EMCN: variants seen among roughly 807,000 people sequenced by gnomAD.
EMCN encodes the protein endomucin.
Under a neutral mutation model 38.4 loss-of-function variants are expected in EMCN, and 37 were observed. That is an observed-to-expected ratio of 0.96 (90% CI 0.74 to 1.27). The LOEUF is 1.27. Ranked by LOEUF, EMCN falls within the 50% of genes most tolerant of loss-of-function variation. EMCN has a pLI of 0.00. For missense variants in EMCN, 318 were observed against 302.8 expected (o/e 1.05, Z -0.37); for synonymous variants, 95 against 100.8 (o/e 0.94, Z 0.35).
At chr4:100,516,082 ACTATTGTCT>A (rs1344608327) in intron 1 of EMCN, among the ~76,000 whole-genome samples, 2 of 152,214 alleles carry the variant, frequency 1.3e-5, no homozygotes, top group African/African-American at 4.8e-5. Context: ...TTATTATGTA[ACTATTGTCT>A]CTGCTCAAAT....
At chr4:100,517,483 T>C (rs1279521916) in intron 1 of EMCN, among the ~76,000 whole-genome samples, 1 of 152,108 alleles carries the variant, frequency 6.6e-6, no homozygotes, top group Non-Finnish European at 1.5e-5. Context: ...CACCCACACA[T>C]GCCAATCTTA....
chr4:100,434,097 G>T (rs1018609898), intron 5 of EMCN, among the ~76,000 whole-genome samples: 1 of 151,830 alleles, frequency 6.6e-6, no homozygotes, highest in African/African-American at 2.4e-5. Context: ...TTGGCTTTTT[G>T]AAAAAATTAA....
In EMCN at chr4:100,473,384, T is replaced by TG. The variant is rs1189835429; in HGVS notation, c.259+1653_259+1654insC. On this transcript the variant is annotated intron_variant, in intron 3 of 11. Transcript: ENST00000296420. ...TTTCGTGTTTTTTTGTTTTTTTTTTTTGTTTTTTTTTTTGCTAATGACATC... is the reference window on the plus strand; with the variant it reads ...TTTCGTGTTTTTTTGTTTTTTTTTTTGTGTTTTTTTTTTTGCTAATGACATC... Among the ~76,000 whole-genome samples the TG allele has an allele frequency of 3.4e-5, 4 of 118,940 alleles. 1 individual carries two copies. Among genetic ancestry groups the TG allele is most frequent in the African/African-American group, 1.2e-4 (4 of 32,002 alleles). The allele number at this position is 118,940 out of a possible 152,430, so 78.0% of individuals were successfully genotyped here. A position where few individuals can be genotyped will look rare whatever the true frequency, so the allele number is the denominator to read the frequency against.
intron 1 of EMCN, among the ~76,000 whole-genome samples, chr4:100,505,599 G>A (rs544607277): frequency 6.6e-6 from 1 of 152,228 alleles, no homozygotes; most frequent in African/African-American, 2.4e-5. Context: ...ACAGAGGAGA[G>A]AGGCTGAAAA....
chr4:100,447,885 A>ATAAC (rs1727722283), intron 4 of EMCN, among the ~76,000 whole-genome samples: 1 of 152,118 alleles, frequency 6.6e-6, no homozygotes, highest in Admixed American at 6.6e-5. Context: ...AAGAATGGGA[A>ATAAC]TAACTGTGTG....
intron 11 of EMCN, among the ~76,000 whole-genome samples, chr4:100,398,877 A>T (rs923944832): frequency 1.1e-4 from 16 of 152,238 alleles, no homozygotes; most frequent in African/African-American, 3.9e-4. Flanking sequence ...GCTCTTCTTG[A>T]ATGAGTCTTC....
chr4:100,481,586 C>T (rs1728807213), intron 1 of EMCN, among the ~76,000 whole-genome samples: 1 of 152,080 alleles, frequency 6.6e-6, no homozygotes, highest in Non-Finnish European at 1.5e-5. Context: ...CAATATTCAG[C>T]AGGGAGCAGG....
intron 1 of EMCN, among the ~76,000 whole-genome samples, chr4:100,497,103 A>T (rs1402567784): frequency 6.6e-6 from 1 of 152,016 alleles, no homozygotes; most frequent in African/African-American, 2.4e-5. Context: ...GTAGAAACTA[A>T]GGGCCATGTA....
intron 1 of EMCN, among the ~76,000 whole-genome samples, chr4:100,492,875 T>A (rs1729121392): frequency 6.6e-6 from 1 of 152,076 alleles, no homozygotes; most frequent in Admixed American, 6.6e-5. Flanking sequence ...CCAATTTGAG[T>A]CCAGGCCCCA....
chr4:100,423,301 A>G lies in EMCN; in HGVS notation c.508+11T>C. 6.3e-7 allele frequency: 1 copy of G among 1,598,012 alleles called. No individual in the cohort carries two copies. The highest frequency in any genetic ancestry group is 8.6e-7 in the Non-Finnish European group (1 of 1,165,766). ...AGAGCAGATTTCCACTCAGGCACAC[A>G]GATATCATACCTTGAGACTGTGAGG... is the stretch of plus-strand genomic sequence containing the variant. On this transcript the variant is annotated intron_variant, in intron 6 of 11. Transcript: ENST00000296420.
chr4:100,495,181 A>T (rs1470557037), intron 1 of EMCN, among the ~76,000 whole-genome samples: 1 of 152,070 alleles, frequency 6.6e-6, no homozygotes, highest in Non-Finnish European at 1.5e-5. Context: ...ATTTTATATT[A>T]AAGGGTGGCA....
At chr4:100,398,450 TG>T (rs1362518355) in intron 11 of EMCN, 77 bp from the exon 12 acceptor site, 3 of 152,254 alleles carry the variant, frequency 2.0e-5, no homozygotes, top group Admixed American at 6.5e-5. Flanking sequence ...ATAGAGATGC[TG>T]GGGGAGTCCA....
intron 4 of EMCN, among the ~76,000 whole-genome samples, chr4:100,455,794 T>C (rs557319574): frequency 2.0e-5 from 3 of 152,106 alleles, no homozygotes; most frequent in South Asian, 2.1e-4. Flanking sequence ...TGTTCGTTTT[T>C]TCTTTTGTTT....
At chr4:100,516,092 C>G (rs1397900231) in intron 1 of EMCN, among the ~76,000 whole-genome samples, 1 of 152,068 alleles carries the variant, frequency 6.6e-6, no homozygotes, top group East Asian at 1.9e-4. Context: ...ACTATTGTCT[C>G]TGCTCAAATG....
chr4:100,491,737 A>C (rs1288283769), intron 1 of EMCN, among the ~76,000 whole-genome samples: 1 of 152,234 alleles, frequency 6.6e-6, no homozygotes, highest in Non-Finnish European at 1.5e-5. Flanking sequence ...AACAGAGGTC[A>C]GTCAGTGGTC....
chr4:100,439,715 G>A (rs1727457233), intron 5 of EMCN, among the ~76,000 whole-genome samples: 1 of 151,630 alleles, frequency 6.6e-6, no homozygotes, highest in Admixed American at 6.6e-5. Context: ...GAAGTGTAAT[G>A]TTAGATTACT....
chr4:100,499,989 TA>T (rs1042547205), intron 1 of EMCN, among the ~76,000 whole-genome samples: 10 of 152,162 alleles, frequency 6.6e-5, no homozygotes, highest in African/African-American at 2.4e-4. Context: ...AATTAAAGCT[TA>T]AAAGTGTAAA....
At position 100,396,403 on chromosome 4, in the gene EMCN, C is replaced by CA. The variant is rs1726119957; in HGVS notation, c.*2009dup. On this transcript the variant is annotated 3_prime_UTR_variant, in exon 12 of 12. Coordinates refer to ENST00000296420, the MANE Select transcript of EMCN (RefSeq NM_016242.4). ...TAGAGAAAATGGTTTCTCTAGGATC[C>CA]AAAATAACATATTACTTATAATTTA... is the stretch of plus-strand genomic sequence containing the variant. 3 of 152,110 alleles carry CA rather than the reference C, an allele frequency of 2.0e-5. No homozygotes were observed. Among genetic ancestry groups the CA allele is most frequent in the African/African-American group, 7.2e-5 (3 of 41,502 alleles). 9.4% of individuals were successfully genotyped at this position (152,110 alleles called of 1,614,324 possible).
chr4:100,458,127 T>G (rs1038185467), intron 4 of EMCN, among the ~76,000 whole-genome samples: 6 of 151,568 alleles, frequency 4.0e-5, no homozygotes, highest in Admixed American at 2.0e-4. Context: ...AAAAAAAAAG[T>G]GTTTCCTTCT....
Sources: allele counts gnomAD v4.1 joint callset (sites outside exome capture counted in the v4.1 genomes callset), GRCh38; gene constraint gnomAD v4.1.1; transcripts MANE v1.5; gene names NCBI Gene and HGNC (gene_info 2026-07-23, HGNC 2026-07-21).